The following PDGFD variants were observed in gnomAD, a reference collection of about 807,000 sequenced individuals.
The protein encoded by PDGFD is platelet-derived growth factor D.
In PDGFD, 30 loss-of-function variants were observed where a neutral mutation model predicts 44.7. The observed-to-expected ratio is 0.67, with a 90% confidence interval of 0.50 to 0.91. The LOEUF (loss-of-function observed/expected upper bound fraction) is 0.91. Ranked by LOEUF, PDGFD falls within the 40% of genes least tolerant of loss-of-function variation. PDGFD has a pLI of 0.00. For synonymous variants in PDGFD, 173 were observed against 168.4 expected, an observed-to-expected ratio of 1.03 and a Z score of -0.21; for missense variants, 445 against 457.8, an observed-to-expected ratio of 0.97 and a Z score of 0.25.
At chr11:103,958,704 C>A (rs1410331154) in intron 3 of PDGFD, among the ~76,000 whole-genome samples, 2 of 152,176 alleles carry the variant, frequency 1.3e-5, no homozygotes, top group African/African-American at 4.8e-5. Flanking sequence ...TTTCACGCCT[C>A]TGTGCTGAAA....
intron 1 of PDGFD, among the ~76,000 whole-genome samples, chr11:104,098,739 T>C (rs957067294): frequency 3.9e-5 from 6 of 152,104 alleles, no homozygotes; most frequent in African/African-American, 1.2e-4. Flanking sequence ...TGGTCTCAAA[T>C]TTCTTGGCTT....
intron 1 of PDGFD, among the ~76,000 whole-genome samples, chr11:104,021,018 T>C (rs538716158): frequency 2.0e-5 from 3 of 152,300 alleles, no homozygotes; most frequent in African/African-American, 7.2e-5. Context: ...GACAATTTCT[T>C]GCTCCATAAA....
intron 3 of PDGFD, among the ~76,000 whole-genome samples, chr11:103,981,924 T>A (rs1859278380): frequency 6.6e-6 from 1 of 151,872 alleles, no homozygotes; most frequent in South Asian, 2.1e-4. Flanking sequence ...CAGTCTCATG[T>A]AAGGTCAGGC....
intron 5 of PDGFD, among the ~76,000 whole-genome samples, chr11:103,936,071 C>A (rs929408577): frequency 2.6e-5 from 4 of 152,090 alleles, no homozygotes; most frequent in African/African-American, 9.7e-5. Context: ...ACCAAATATA[C>A]CACATGGTTC....
At chr11:104,126,112 T>C (rs1052655155) in intron 1 of PDGFD, among the ~76,000 whole-genome samples, 2 of 152,172 alleles carry the variant, frequency 1.3e-5, no homozygotes, top group Middle Eastern at 3.2e-3. Context: ...ACTAGCCTCA[T>C]ATCCTTAGCC....
intron 1 of PDGFD, among the ~76,000 whole-genome samples, chr11:104,068,483 T>A (rs1860825034): frequency 6.6e-6 from 1 of 152,216 alleles, no homozygotes; most frequent in African/African-American, 2.4e-5. Context: ...TTCAGCCAAT[T>A]AAATATTGTT....
chr11:104,156,451 C>T (rs913395420), intron 1 of PDGFD, among the ~76,000 whole-genome samples: 1 of 152,172 alleles, frequency 6.6e-6, no homozygotes, highest in Non-Finnish European at 1.5e-5. Flanking sequence ...AGACAAAGCA[C>T]TGCATCCAAA....
At chr11:104,060,308 G>A (rs756801576) in intron 1 of PDGFD, among the ~76,000 whole-genome samples, 5 of 152,172 alleles carry the variant, frequency 3.3e-5, no homozygotes, top group African/African-American at 1.2e-4. Context: ...GACTCATGTG[G>A]CTTCCTCTTT....
intron 1 of PDGFD, among the ~76,000 whole-genome samples, chr11:104,025,095 C>T (rs12805893): frequency 0.069 from 10,498 of 152,308 alleles, 468 homozygotes; most frequent in Non-Finnish European, 0.1. Flanking sequence ...CTTGGCACAT[C>T]CAAAGCCCAT....
At chr11:103,927,430 T>C (rs1187818104) in intron 5 of PDGFD, among the ~76,000 whole-genome samples, 1 of 152,100 alleles carries the variant, frequency 6.6e-6, no homozygotes, top group East Asian at 1.9e-4. Flanking sequence ...GGAAAGAAAA[T>C]GAAACATTTG....
chr11:103,927,274 A>C, intron 5 of PDGFD, 148 bp from the exon 6 acceptor site: 1 of 679,266 alleles, frequency 1.5e-6, no homozygotes. Context: ...ATTACTGGGA[A>C]CCTAAAGTAA....
chr11:103,996,749 C>A (rs774570040), intron 2 of PDGFD, among the ~76,000 whole-genome samples: 3 of 152,164 alleles, frequency 2.0e-5, no homozygotes, highest in African/African-American at 7.2e-5. Context: ...TGAATACACA[C>A]GACTTGCTAT....
chr11:104,077,518 A>C (rs1860976948), intron 1 of PDGFD, among the ~76,000 whole-genome samples: 1 of 152,208 alleles, frequency 6.6e-6, no homozygotes, highest in Non-Finnish European at 1.5e-5. Context: ...TACATAAAAG[A>C]AAATGAGTTC....
At chr11:104,057,038 G>A (rs1860629519) in intron 1 of PDGFD, among the ~76,000 whole-genome samples, 1 of 152,150 alleles carries the variant, frequency 6.6e-6, no homozygotes, top group Non-Finnish European at 1.5e-5. Flanking sequence ...TGAGGCAGGG[G>A]AATCGCTTGA....
At chr11:104,135,145 A>G (rs1861984635) in intron 1 of PDGFD, among the ~76,000 whole-genome samples, 1 of 21,082 alleles carries the variant, frequency 4.7e-5, no homozygotes, top group Non-Finnish European at 8.4e-5. Context: ...TGGTGTTAAT[A>G]TAATAACATT....
intron 3 of PDGFD, among the ~76,000 whole-genome samples, chr11:103,989,913 T>C (rs987182489): frequency 2.0e-5 from 3 of 152,156 alleles, no homozygotes; most frequent in Non-Finnish European, 2.9e-5. Flanking sequence ...ACAGTTCTGA[T>C]GATGATAATA....
At chr11:104,016,954 C>G (rs1439861152) in intron 1 of PDGFD, among the ~76,000 whole-genome samples, 2 of 152,128 alleles carry the variant, frequency 1.3e-5, no homozygotes, top group East Asian at 3.8e-4. Flanking sequence ...CTGCTATAGT[C>G]TGAATGTTTG....
chr11:104,101,042 A>G (rs993100712), intron 1 of PDGFD, among the ~76,000 whole-genome samples: 6 of 152,180 alleles, frequency 3.9e-5, no homozygotes, highest in Non-Finnish European at 7.3e-5. Context: ...AAACTGGCAC[A>G]AGACAGGGAT....
rs758825059 is a variant in PDGFD, at chr11:103,996,169, C to T, written c.406G>A (p.Val136Ile). The T allele has an allele frequency of 6.2e-7, 1 of 1,613,604 alleles. No individual in the cohort carries two copies. Among genetic ancestry groups the T allele is most frequent in the Middle Eastern group, 1.7e-4 (1 of 6,054 alleles). Reference protein sequence around the residue: ...IRGRWCGHKEVPPRIKSRTNQ... With the variant: ...IRGRWCGHKEIPPRIKSRTNQ... ...GTTCTTGATTTTATCCTTGGAGGAA[C>T]TTCCTTGTGTCCACACCATCGTCCT... Residue 136 changes from valine (V) to isoleucine (I), a missense_variant, in exon 3 of 7, where the codon GTT becomes ATT. Val to Ile is a conservative substitution (Grantham distance 29). Coordinates refer to ENST00000393158, the MANE Select transcript of PDGFD (RefSeq NM_025208.5).
Sources: allele counts gnomAD v4.1 joint callset (sites outside exome capture counted in the v4.1 genomes callset), GRCh38; gene constraint gnomAD v4.1.1; transcripts MANE v1.5; gene names NCBI Gene and HGNC (gene_info 2026-07-23, HGNC 2026-07-21).